Variants in SMARCB1 observed in about 807,000 individuals in gnomAD.
SMARCB1 encodes the protein SWI/SNF related BAF chromatin remodeling complex subunit B1.
A neutral mutation model predicts 49.0 loss-of-function variants in SMARCB1; 5 were observed. That is an observed-to-expected ratio of 0.10 (90% CI 0.05 to 0.21). SMARCB1 has a LOEUF of 0.21. Among genes scored for constraint, SMARCB1 ranks in the 10% least tolerant of loss-of-function variants. SMARCB1 has a pLI of 1.00. For synonymous variants in SMARCB1, 201 were observed against 200.1 expected (o/e 1.00, Z -0.04); for missense variants, 226 against 509.2 (o/e 0.44, Z 5.35).
chr22:23,827,563 C>T (rs1332805340), intron 7 of SMARCB1, among the ~76,000 whole-genome samples: 1 of 152,188 alleles, frequency 6.6e-6, no homozygotes, highest in Non-Finnish European at 1.5e-5. Context: ...AGACCCCCTG[C>T]CCCCTGCTCT....
chr22:23,792,124 G>T lies in SMARCB1; in HGVS notation c.232+230G>T, dbSNP rs555253453. ...GCAGGGCCATTGGGTATGTGAGCGG[G>T]CCGGGGCCAGGACACTAGCAGGTGC... On this transcript the variant is annotated intron_variant, in intron 2 of 8. Coordinates refer to ENST00000644036, the MANE Select transcript of SMARCB1 (RefSeq NM_003073.5). 4 of 549,970 alleles carry T rather than the reference G, an allele frequency of 7.3e-6. No individual in the cohort carries two copies. The East Asian group carries it at 1.3e-4, about 18-fold the overall frequency. 34.1% of individuals were successfully genotyped at this position (549,970 alleles called of 1,614,324 possible).
At chr22:23,794,950 G>C (rs1928645593) in intron 3 of SMARCB1, among the ~76,000 whole-genome samples, 1 of 152,010 alleles carries the variant, frequency 6.6e-6, no homozygotes, top group Non-Finnish European at 1.5e-5. Flanking sequence ...AGTATTTATA[G>C]TAACAATTAA....
intron 2 of SMARCB1, chr22:23,792,981 C>G: frequency 5.7e-6 from 1 of 175,620 alleles, no homozygotes; most frequent in Admixed American, 5.4e-5. Context: ...AGCTAGGGGT[C>G]GAGCTGCCTA....
intron 1 of SMARCB1, among the ~76,000 whole-genome samples, chr22:23,788,134 A>G (rs1471040015): frequency 6.6e-6 from 1 of 152,118 alleles, no homozygotes; most frequent in East Asian, 1.9e-4. Context: ...TGGGTCTCCC[A>G]AAGTGCTAGG....
intron 4 of SMARCB1, chr22:23,802,987 A>C: frequency 2.1e-6 from 1 of 469,428 alleles, no homozygotes; most frequent in Non-Finnish European, 3.9e-6. Context: ...ATAGCCTTCC[A>C]TGAAAGTCCT....
intron 3 of SMARCB1, among the ~76,000 whole-genome samples, chr22:23,794,304 G>A (rs1601392207): frequency 6.6e-6 from 1 of 152,182 alleles, no homozygotes; most frequent in East Asian, 1.9e-4. Flanking sequence ...TTCTTAGCCA[G>A]GTTTCTAAGT....
At chr22:23,795,509 G>T (rs1020420985) in intron 3 of SMARCB1, among the ~76,000 whole-genome samples, 1 of 151,884 alleles carries the variant, frequency 6.6e-6, no homozygotes, top group Non-Finnish European at 1.5e-5. Flanking sequence ...TACAAAGTTA[G>T]CCTCGCATGG....
intron 1 of SMARCB1, 149 bp from the exon 2 acceptor site, chr22:23,791,607 C>T (rs766224486): frequency 1.3e-5 from 10 of 783,612 alleles, no homozygotes; most frequent in Non-Finnish European, 2.3e-5. Context: ...TTCATATCAG[C>T]AGAATGTGTT....
chr22:23,824,978 CG>C, intron 6 of SMARCB1: 1 of 576,014 alleles, frequency 1.7e-6, no homozygotes, highest in Non-Finnish European at 3.1e-6. Context: ...CAGGTGCCCC[CG>C]GGGTCACTTC....
At chr22:23,788,786 G>A (rs1371516666) in intron 1 of SMARCB1, among the ~76,000 whole-genome samples, 1 of 152,100 alleles carries the variant, frequency 6.6e-6, no homozygotes, top group African/African-American at 2.4e-5. Context: ...GCCTCAAGAT[G>A]GTCACACTGA....
chr22:23,793,289 C>G, intron 2 of SMARCB1: 1 of 526,060 alleles, frequency 1.9e-6, no homozygotes, highest in South Asian at 1.9e-5. Flanking sequence ...TGGTGCTGCC[C>G]TGAGCACTTC....
In SMARCB1 at chr22:23,836,927, T is replaced by C. The variant is rs1190428960; in HGVS notation, c.*2747T>C. The C allele has an allele frequency of 3.2e-6, 5 of 1,555,562 alleles. No homozygotes were observed. Among genetic ancestry groups the C allele is most frequent in the African/African-American group, 2.7e-5 (2 of 73,102 alleles). On this transcript the variant is annotated 3_prime_UTR_variant, in exon 9 of 9. Coordinates refer to ENST00000644036, the MANE Select transcript of SMARCB1 (RefSeq NM_003073.5). ...CTGTTCCTCAGGGAGGGGCAGGTAA[T>C]TGGGGTCTTCTGCAGGGGCATCCAG...
chr22:23,793,243 C>T (rs925792382), intron 2 of SMARCB1: 15 of 425,940 alleles, frequency 3.5e-5, no homozygotes, highest in Non-Finnish European at 5.7e-5. Context: ...GTTCTGGAGT[C>T]GAGTGTCCCC....
Position 23,832,078 on chromosome 22 carries a change from G to C in SMARCB1, c.987-1494G>C, listed in dbSNP as rs371182946. On this transcript the variant is annotated intron_variant, in intron 7 of 8. Transcript: ENST00000644036. ...CCTGCGCTGTGCCCACAGTCCCTGA[G>C]ACCCCAGGCTGAGGAGAGCAGCACT... is the stretch of plus-strand genomic sequence containing the variant. Among the ~76,000 whole-genome samples, 10 of 152,328 alleles carry C rather than the reference G, an allele frequency of 6.6e-5. No homozygotes were observed. In the East Asian group the frequency reaches 1.9e-3, roughly 29 times the overall value.
Position 23,833,776 on chromosome 22 carries a change from C to T in SMARCB1, c.1118+73C>T, listed in dbSNP as rs2030802143. The T allele has an allele frequency of 1.9e-6, 3 of 1,540,712 alleles. No individual in the cohort carries two copies. In the South Asian group the frequency reaches 3.4e-5, roughly 17 times the overall value. On this transcript the variant is annotated intron_variant, in intron 8 of 8. Coordinates refer to ENST00000644036, the MANE Select transcript of SMARCB1 (RefSeq NM_003073.5). Reference sequence around the variant, plus strand: ...TTCCAGGCAGAGGCAGGGCCATTGCCTTTCCCAGTCTCCCATGGTCTCTGA... The same window carrying T: ...TTCCAGGCAGAGGCAGGGCCATTGCTTTTCCCAGTCTCCCATGGTCTCTGA...
chr22:23,812,143 CAG>C (rs559583056), intron 5 of SMARCB1, among the ~76,000 whole-genome samples: 6 of 152,050 alleles, frequency 3.9e-5, no homozygotes, highest in South Asian at 2.1e-4. Flanking sequence ...ATTAAGGAAA[CAG>C]AATTTGTAAT....
chr22:23,816,689 AAAG>A (rs1930213022), intron 5 of SMARCB1, 78 bp from the exon 6 acceptor site: 4 of 1,382,544 alleles, frequency 2.9e-6, no homozygotes, highest in East Asian at 2.3e-5. Context: ...GTTTGGCTTC[AAAG>A]AAGAAGGGGT....
chr22:23,831,120 G>T (rs556129102), intron 7 of SMARCB1, among the ~76,000 whole-genome samples: 1 of 152,098 alleles, frequency 6.6e-6, no homozygotes, highest in Admixed American at 6.6e-5. Flanking sequence ...GAGGCTCCTG[G>T]CGGCCTCGGA....
chr22:23,788,993 G>A (rs1194108592), intron 1 of SMARCB1, among the ~76,000 whole-genome samples: 4 of 151,942 alleles, frequency 2.6e-5, no homozygotes, highest in Non-Finnish European at 4.4e-5. Flanking sequence ...GGGACTACAC[G>A]CACACACCAC....
Sources: gnomAD v4.1 joint callset for allele counts (sites outside exome capture counted in the v4.1 genomes callset) on GRCh38, gnomAD v4.1.1 for gene constraint, MANE v1.5 for transcripts, NCBI Gene and HGNC (gene_info 2026-07-23, HGNC 2026-07-21) for gene names.